Variants in MTM1 observed in about 807,000 individuals in gnomAD.
MTM1 encodes myotubularin.
A neutral mutation model predicts 52.1 loss-of-function variants in MTM1; 9 were observed. The observed-to-expected ratio is 0.17, with a 90% CI of 0.10 to 0.30. MTM1 has a LOEUF of 0.30. Ranked by LOEUF, MTM1 falls within the 10% of genes least tolerant of loss-of-function variation. The probability of loss-of-function intolerance (pLI) is 1.00; values close to 1 mark genes in which losing one functional copy is unlikely to be tolerated. For missense variants in MTM1, 277 were observed against 470.7 expected, an observed-to-expected ratio of 0.59 and a Z score of 3.81; for synonymous variants, 136 against 163.8, an observed-to-expected ratio of 0.83 and a Z score of 1.29.
In MTM1 at chrX:150,661,316, G is replaced by A. The variant is rs1014174004; in HGVS notation, c.1467+832G>A. The stretch of plus-strand genomic sequence containing the variant: ...TGGGATTGCAGGTGTGAACCACTGC[G>A]CCCAGCCTGGCGATCAGATTTCAAC... On this transcript the variant is annotated intron_variant, in intron 13 of 14. Transcript: ENST00000370396. Among the ~76,000 whole-genome samples, 6 of 111,742 alleles carry A rather than the reference G, an allele frequency of 5.4e-5. No individual in the cohort carries two copies. The East Asian group carries it at 8.4e-4, about 16-fold the overall frequency.
intron 4 of MTM1, among the ~76,000 whole-genome samples, chrX:150,612,307 G>C (rs2039296604): frequency 8.9e-6 from 1 of 111,891 alleles, no homozygotes; most frequent in African/African-American, 3.3e-5. Context: ...CCATGGTATG[G>C]ATGCTCGCAG....
chrX:150,645,913 T>C (rs782187969), intron 9 of MTM1, 42 bp downstream of exon 9: 1 of 1,117,397 alleles, frequency 8.9e-7, no homozygotes, highest in Non-Finnish European at 1.2e-6. Flanking sequence ...AGCTTACATA[T>C]GGAGTGCAGT....
At chrX:150,582,289 C>A (rs1355177694) in intron 1 of MTM1, among the ~76,000 whole-genome samples, 2 of 111,739 alleles carry the variant, frequency 1.8e-5, no homozygotes, top group African/African-American at 6.5e-5. Flanking sequence ...TCTAAAAAAC[C>A]ATATTATTAT....
chrX:150,635,472 A>T (rs1368171145), intron 6 of MTM1, among the ~76,000 whole-genome samples: 1 of 112,292 alleles, frequency 8.9e-6, no homozygotes, highest in Admixed American at 9.4e-5. Context: ...GAGAAAGTAA[A>T]TGACAGCTAA....
chrX:150,578,272 C>T (rs1177649840), intron 1 of MTM1, among the ~76,000 whole-genome samples: 1 of 111,834 alleles, frequency 8.9e-6, no homozygotes, highest in Non-Finnish European at 1.9e-5. Context: ...AGCAAAAAGC[C>T]AGGGCCTTCA....
rs782634894 is a variant in MTM1, at chrX:150,596,517, A to G, written c.83A>G (p.Asn28Ser). ...TTCTAGACGTCTCGAGATGGAGTCA[A>G]TCGAGATCTCACTGAGGCTGTTCCT... ...SIKRTSRDGV[N>S]RDLTEAVPRL... Residue 28 changes from asparagine (N) to serine (S), a missense_variant, in exon 3 of 15, where the codon AAT becomes AGT. Asn to Ser is a conservative substitution (Grantham distance 46, BLOSUM62 1). Coordinates refer to ENST00000370396, the MANE Select transcript of MTM1 (RefSeq NM_000252.3). 5.8e-6 allele frequency: 7 copies of G among 1,207,021 alleles called. No individual in the cohort carries two copies. In the African/African-American group the frequency reaches 1.1e-4, roughly 18 times the overall value.
In MTM1 at chrX:150,604,822, C is replaced by T. The variant is rs146987514; in HGVS notation, c.231+6136C>T. ...CAGAAACTCTCCTTTCCTACCTTAT[C>T]GCACATTCCCTAGCCAGGTGTTCAC... On this transcript the variant is annotated intron_variant, in intron 4 of 14. Transcript: ENST00000370396. Among the ~76,000 whole-genome samples, 17 of 111,149 alleles carry T rather than the reference C, an allele frequency of 1.5e-4. No homozygotes were observed. The South Asian group carries it at 4.2e-3, about 28-fold the overall frequency.
rs2039432452 is a variant in MTM1 at position 150,618,955 on chromosome X, C to G, written c.343-83C>G. The stretch of plus-strand genomic sequence containing the variant: ...GCCCTTTTAGGTAAGTGAATCTTCT[C>G]CCTTAATTGAATGGAAGATTTCTTG... On this transcript the variant is annotated intron_variant, in intron 5 of 14. Coordinates refer to ENST00000370396, the MANE Select transcript of MTM1 (RefSeq NM_000252.3). 5.8e-6 allele frequency: 4 copies of G among 693,587 alleles called. 1 individual carries two copies. In the South Asian group the frequency reaches 6.5e-5, roughly 11 times the overall value. The allele number at this position is 693,587 out of a possible 1,213,427, so 57.2% of individuals were successfully genotyped here.
chrX:150,645,612 G>GT, intron 8 of MTM1, 71 bp from the exon 9 acceptor site: 1 of 994,751 alleles, frequency 1.0e-6, no homozygotes, highest in Non-Finnish European at 1.4e-6. Context: ...GTGCTTTACT[G>GT]TTTTACAGTT....
In MTM1 at chrX:150,592,474, G is replaced by T; in HGVS notation, c.-10-131G>T. On this transcript the variant is annotated intron_variant, in intron 1 of 14. Coordinates refer to ENST00000370396, the MANE Select transcript of MTM1 (RefSeq NM_000252.3). ...GTTTGTATGTCTTATTACCACTGGG[G>T]CCTAGTATGGAAATAGAACCTGTAA... is the stretch of plus-strand genomic sequence containing the variant. 5 of 515,690 alleles carry T rather than the reference G, an allele frequency of 9.7e-6. No individual in the cohort carries two copies. The South Asian group carries it at 1.3e-4, about 14-fold the overall frequency. 42.5% of individuals were successfully genotyped at this position (515,690 alleles called of 1,213,427 possible). A position where few individuals can be genotyped will look rare whatever the true frequency, so the allele number is the denominator to read the frequency against.
intron 9 of MTM1, among the ~76,000 whole-genome samples, chrX:150,646,583 T>C (rs781846420): frequency 8.9e-6 from 1 of 112,529 alleles, no homozygotes; most frequent in Non-Finnish European, 1.9e-5. Context: ...ATTTCTCCTT[T>C]TTGTTGTTTT....
At chrX:150,581,196 TAA>T (rs1365336829) in intron 1 of MTM1, among the ~76,000 whole-genome samples, 2 of 112,060 alleles carry the variant, frequency 1.8e-5, no homozygotes, top group African/African-American at 6.5e-5. Context: ...AAGATATGGT[TAA>T]AGTTCATGAG....
chrX:150,567,871 T>TTGA (rs1369844316), upstream of MTM1, among the ~76,000 whole-genome samples: 7 of 112,682 alleles, frequency 6.2e-5, no homozygotes, highest in African/African-American at 2.3e-4. Flanking sequence ...TTTGTTTTAT[T>TTGA]TGATTACACA....
At chrX:150,592,962 G>T in intron 2 of MTM1, among the ~76,000 whole-genome samples, 1 of 109,786 alleles carries the variant, frequency 9.1e-6, no homozygotes, top group Non-Finnish European at 1.9e-5. Context: ...TCCTGCCTCA[G>T]CCTCCCTAGT....
At chrX:150,564,312 T>C (rs943693929), upstream of MTM1, among the ~76,000 whole-genome samples, 1 of 112,277 alleles carries the variant, frequency 8.9e-6, no homozygotes, top group Admixed American at 9.4e-5. Flanking sequence ...TGGGTGCATA[T>C]ATCACCATTG....
At chrX:150,594,357 G>A (rs2038939839) in intron 2 of MTM1, among the ~76,000 whole-genome samples, 1 of 111,151 alleles carries the variant, frequency 9.0e-6, no homozygotes, top group African/African-American at 3.3e-5. Context: ...CTATCCACCT[G>A]CCTTAGCCTC....
chrX:150,582,741 A>G (rs1214892389), intron 1 of MTM1, among the ~76,000 whole-genome samples: 1 of 110,715 alleles, frequency 9.0e-6, no homozygotes, highest in African/African-American at 3.3e-5. Flanking sequence ...GAGGCAAGGA[A>G]GCATTCTCCC....
intron 1 of MTM1, among the ~76,000 whole-genome samples, chrX:150,572,890 GTC>G (rs2038405617): frequency 8.8e-6 from 1 of 112,999 alleles, no homozygotes; most frequent in Non-Finnish European, 1.9e-5. Flanking sequence ...ATCTTGAAAT[GTC>G]TCTGTAAGTT....
intron 1 of MTM1, chrX:150,590,956 A>G: frequency 1.7e-6 from 1 of 598,688 alleles, no homozygotes; most frequent in Non-Finnish European, 2.0e-6. Flanking sequence ...TTCAGAGCAG[A>G]TACATCTGAC....
Sources: allele counts gnomAD v4.1 joint callset (sites outside exome capture counted in the v4.1 genomes callset), GRCh38; gene constraint gnomAD v4.1.1; transcripts MANE v1.5; gene names NCBI Gene and HGNC (gene_info 2026-07-23, HGNC 2026-07-21).